ASTN2: variants seen among roughly 807,000 people sequenced by gnomAD.
ASTN2 encodes the protein astrotactin 2.
ASTN2 carries 54 observed loss-of-function variants against 139.8 expected under a neutral mutation model. The observed-to-expected ratio is 0.39, with a 90% CI of 0.31 to 0.48. The LOEUF is 0.48. ASTN2 is among the 20% of genes least tolerant of loss of function. The pLI is 0.95. For synonymous variants in ASTN2, 756 were observed against 719.5 expected (o/e 1.05, Z -0.81); for missense variants, 1,565 against 1,725.1 (o/e 0.91, Z 1.64).
At chr9:116,512,564 T>G (rs1850443037) in intron 19 of ASTN2, among the ~76,000 whole-genome samples, 1 of 152,196 alleles carries the variant, frequency 6.6e-6, no homozygotes, top group Non-Finnish European at 1.5e-5. Context: ...CCTCGTTAAC[T>G]TTCTGTCTCG....
intron 6 of ASTN2, among the ~76,000 whole-genome samples, chr9:117,037,841 C>T (rs971106975): frequency 6.6e-6 from 1 of 152,126 alleles, no homozygotes; most frequent in Admixed American, 6.6e-5. Flanking sequence ...TCTGACAATT[C>T]TTCTAGCTGC....
chr9:117,149,360 TGAAAG>T (rs1266175854), intron 3 of ASTN2, among the ~76,000 whole-genome samples: 1 of 152,068 alleles, frequency 6.6e-6, no homozygotes, highest in Admixed American at 6.6e-5. Context: ...GATAGACAGA[TGAAAG>T]GAAATAGAAG....
chr9:116,748,881 T>C (rs1829323809), intron 13 of ASTN2, among the ~76,000 whole-genome samples: 1 of 152,184 alleles, frequency 6.6e-6, no homozygotes, highest in African/African-American at 2.4e-5. Flanking sequence ...ATTTGAATAA[T>C]GCAAGTGTCC....
chr9:117,071,288 C>T (rs1187594716), intron 5 of ASTN2, among the ~76,000 whole-genome samples: 1 of 151,374 alleles, frequency 6.6e-6, no homozygotes, highest in Non-Finnish European at 1.5e-5. Context: ...TGTCAGTGTG[C>T]CCCTGCTGGG....
chr9:117,344,279 T>C (rs1829148956), intron 1 of ASTN2, among the ~76,000 whole-genome samples: 3 of 152,206 alleles, frequency 2.0e-5, no homozygotes, highest in South Asian at 2.1e-4. Context: ...CCTCTACGTA[T>C]GGAAATGAAT....
At chr9:117,369,893 C>T (rs1564170457) in intron 1 of ASTN2, among the ~76,000 whole-genome samples, 1 of 152,170 alleles carries the variant, frequency 6.6e-6, no homozygotes, top group Non-Finnish European at 1.5e-5. Context: ...ACCCCATCCA[C>T]ACCCTTCTAA....
At chr9:116,434,716 G>A (rs1479261634) in intron 22 of ASTN2, among the ~76,000 whole-genome samples, 4 of 152,086 alleles carry the variant, frequency 2.6e-5, no homozygotes, top group Non-Finnish European at 1.5e-5. Context: ...CTGGTCCCTG[G>A]CCACCAGTGA....
At chr9:116,584,623 A>G (rs1854076971) in intron 19 of ASTN2, 1 of 152,228 alleles carries the variant, frequency 6.6e-6, no homozygotes, top group Non-Finnish European at 1.5e-5. Flanking sequence ...TAAACGTCTA[A>G]AATTAGAAAA....
chr9:116,551,560 T>C (rs988501266), intron 19 of ASTN2, among the ~76,000 whole-genome samples: 2 of 152,234 alleles, frequency 1.3e-5, no homozygotes, highest in African/African-American at 4.8e-5. Flanking sequence ...CTGGAATTGC[T>C]TCTCCTCCAA....
intron 1 of ASTN2, among the ~76,000 whole-genome samples, chr9:117,317,123 GTCTC>G (rs1828168767): frequency 6.6e-6 from 1 of 151,868 alleles, no homozygotes. Flanking sequence ...CTCTGTGTAT[GTCTC>G]TCTCTCATAC....
chr9:117,252,111 C>A (rs142511370), intron 2 of ASTN2, among the ~76,000 whole-genome samples: 12 of 152,182 alleles, frequency 7.9e-5, no homozygotes, highest in Non-Finnish European at 7.4e-5. Flanking sequence ...TTTTGCATTG[C>A]CTAATAATGA....
At chr9:116,770,521 G>A (rs758588711) in intron 13 of ASTN2, among the ~76,000 whole-genome samples, 7 of 152,146 alleles carry the variant, frequency 4.6e-5, no homozygotes, top group Non-Finnish European at 7.4e-5. Context: ...GTTGATCCAA[G>A]GTTTCATGAG....
chr9:117,270,281 C>G lies in ASTN2; in HGVS notation c.630+21045G>C, dbSNP rs374358193. 8.5e-5 allele frequency among the ~76,000 whole-genome samples: 13 copies of G among 152,282 alleles called. No homozygotes were observed. In the East Asian group the frequency reaches 1.9e-3, roughly 23 times the overall value. On this transcript the variant is annotated intron_variant, in intron 2 of 22. Coordinates refer to ENST00000313400, the MANE Select transcript of ASTN2 (RefSeq NM_001365068.1). ...TAGGTGTAATGTGGTGCAGCAGATCCCTATAACTTATTCATCTTGCTTGGC... is the reference window on the plus strand; with the variant it reads ...TAGGTGTAATGTGGTGCAGCAGATCGCTATAACTTATTCATCTTGCTTGGC...
At chr9:117,126,565 A>G (rs915780237) in intron 4 of ASTN2, among the ~76,000 whole-genome samples, 4 of 152,234 alleles carry the variant, frequency 2.6e-5, no homozygotes, top group African/African-American at 9.6e-5. Flanking sequence ...AGAATAAACA[A>G]AACCATGACA....
chr9:116,945,850 AG>A (rs1350192492), intron 10 of ASTN2, among the ~76,000 whole-genome samples: 1 of 152,228 alleles, frequency 6.6e-6, no homozygotes, highest in Non-Finnish European at 1.5e-5. Context: ...ACTGCAATAA[AG>A]AACTATATGA....
At chr9:116,967,537 T>G (rs1395507553) in intron 10 of ASTN2, among the ~76,000 whole-genome samples, 1 of 152,100 alleles carries the variant, frequency 6.6e-6, no homozygotes, top group Non-Finnish European at 1.5e-5. Context: ...TCTATCAACA[T>G]CCCTACTGAA....
intron 6 of ASTN2, among the ~76,000 whole-genome samples, chr9:117,019,016 G>T (rs780073015): frequency 1.3e-5 from 2 of 151,948 alleles, no homozygotes; most frequent in South Asian, 2.1e-4. Context: ...TGGCTGCCTC[G>T]CATTCTGCTT....
chr9:117,079,050 C>T (rs1828354267), intron 5 of ASTN2, among the ~76,000 whole-genome samples: 1 of 152,152 alleles, frequency 6.6e-6, no homozygotes, highest in African/African-American at 2.4e-5. Context: ...ACTATGGTTG[C>T]TCCTGAAGAG....
intron 19 of ASTN2, among the ~76,000 whole-genome samples, chr9:116,593,827 CTTACTTG>C (rs1250049484): frequency 1.3e-5 from 2 of 152,160 alleles, no homozygotes; most frequent in African/African-American, 4.8e-5. Context: ...TGAATTTCCT[CTTACTTG>C]TTCTCTATTA....
Sources: allele counts gnomAD v4.1 joint callset (sites outside exome capture counted in the v4.1 genomes callset), GRCh38; gene constraint gnomAD v4.1.1; transcripts MANE v1.5; gene names NCBI Gene and HGNC (gene_info 2026-07-23, HGNC 2026-07-21).